DMD: variants seen among roughly 807,000 people sequenced by gnomAD.
DMD encodes mutant dystrophin.
DMD carries 63 observed loss-of-function variants against 330.1 expected under a neutral mutation model. The observed-to-expected ratio is 0.19, with a 90% CI of 0.16 to 0.24. The LOEUF is 0.24. Among genes scored for constraint, DMD ranks in the 10% least tolerant of loss-of-function variants. The pLI is 1.00. For synonymous variants in DMD, 1,223 were observed against 959.8 expected, an observed-to-expected ratio of 1.27 and a Z score of -5.07; for missense variants, 3,344 against 2,684.1, an observed-to-expected ratio of 1.25 and a Z score of -5.43.
rs2093491889 is a variant in DMD, at chrX:33,009,096, ATATATGTATATATATGTGTATATATACG to A, written c.93+11015_93+11042del. ...TATACATATATGTGTATATATACGT[ATATATGTATATATATGTGTATATATACG>A]TATATATGTATATATATGTGTATAT... On this transcript the variant is annotated intron_variant, in intron 2 of 78. Transcript: ENST00000357033. Among the ~76,000 whole-genome samples, 9 of 21,993 alleles carry A rather than the reference ATATATGTATATATATGTGTATATATACG, an allele frequency of 4.1e-4. 1 individual carries two copies. The highest frequency in any genetic ancestry group is 1.2e-3 in the African/African-American group (9 of 7,747). 19.1% of individuals were successfully genotyped at this position (21,993 alleles called of 115,157 possible). A position where few individuals can be genotyped will look rare whatever the true frequency, so the allele number is the denominator to read the frequency against.
intron 7 of DMD, among the ~76,000 whole-genome samples, chrX:32,789,294 G>A (rs140950327): frequency 8.9e-6 from 1 of 112,371 alleles, no homozygotes; most frequent in Non-Finnish European, 1.9e-5. Context: ...AGTAATTGAA[G>A]ATGTGAACAG....
chrX:33,151,860 C>T (rs2148629944), intron 1 of DMD, among the ~76,000 whole-genome samples: 1 of 111,811 alleles, frequency 8.9e-6, no homozygotes, highest in South Asian at 3.7e-4. Flanking sequence ...GGGACATGGT[C>T]CATATTCAGA....
At chrX:31,496,647 A>G (rs2069883124) in intron 57 of DMD, 141 bp downstream of exon 57, 1 of 691,697 alleles carries the variant, frequency 1.4e-6, no homozygotes, top group Non-Finnish European at 2.2e-6. Context: ...AATGGCTTAG[A>G]TTATTTATAA....
At chrX:32,153,400 T>C (rs1300409850) in intron 44 of DMD, among the ~76,000 whole-genome samples, 1 of 110,691 alleles carries the variant, frequency 9.0e-6, no homozygotes, top group Non-Finnish European at 1.9e-5. Flanking sequence ...AGGTTTGAAG[T>C]AGTGGAGAGA....
At chrX:32,635,456 C>A (rs897318714) in intron 11 of DMD, among the ~76,000 whole-genome samples, 3 of 111,620 alleles carry the variant, frequency 2.7e-5, no homozygotes, top group Non-Finnish European at 5.6e-5. Flanking sequence ...CTTCGAGACT[C>A]ATTTTCCCTC....
intron 5 of DMD, among the ~76,000 whole-genome samples, chrX:32,820,235 C>T (rs1218070860): frequency 9.0e-6 from 1 of 111,685 alleles, no homozygotes. Context: ...GTCAGGAGAT[C>T]GAGACCATCC....
At chrX:32,773,399 G>A (rs2073826407) in intron 7 of DMD, among the ~76,000 whole-genome samples, 1 of 111,235 alleles carries the variant, frequency 9.0e-6, no homozygotes, top group South Asian at 3.7e-4. Flanking sequence ...TATCATTTAT[G>A]TTAGCTAAAT....
intron 17 of DMD, among the ~76,000 whole-genome samples, chrX:32,523,432 C>T (rs1001150656): frequency 6.2e-5 from 7 of 112,132 alleles, no homozygotes; most frequent in African/African-American, 2.3e-4. Flanking sequence ...TCTCTATTAG[C>T]TAGCCATAAA....
intron 48 of DMD, among the ~76,000 whole-genome samples, chrX:31,851,523 GT>G (rs2093526018): frequency 9.0e-6 from 1 of 111,706 alleles, no homozygotes; most frequent in Non-Finnish European, 1.9e-5. Context: ...GGGTTTCAAA[GT>G]CTTTTTGGCA....
chrX:32,268,007 TAGAA>T (rs989260859), intron 43 of DMD, among the ~76,000 whole-genome samples: 1 of 111,737 alleles, frequency 8.9e-6, no homozygotes, highest in African/African-American at 3.3e-5. Flanking sequence ...AAGGAAGAAA[TAGAA>T]AGACACAGCC....
chrX:31,608,303 C>T (rs1029202194), intron 55 of DMD, among the ~76,000 whole-genome samples: 20 of 111,529 alleles, frequency 1.8e-4, no homozygotes, highest in African/African-American at 5.5e-4. Flanking sequence ...AAATTTAGTA[C>T]AGAAGTGTGT....
At chrX:31,178,301 T>C in intron 70 of DMD, 1 of 991,660 alleles carries the variant, frequency 1.0e-6, no homozygotes, top group Non-Finnish European at 1.3e-6. Context: ...CACAATGAGA[T>C]ACAAAAAGAC....
At chrX:31,130,599 T>C (rs910616685) in intron 77 of DMD, among the ~76,000 whole-genome samples, 1 of 112,278 alleles carries the variant, frequency 8.9e-6, no homozygotes, top group African/African-American at 3.2e-5. Context: ...TTATGCAGGA[T>C]AGTGTTGGCC....
intron 7 of DMD, among the ~76,000 whole-genome samples, chrX:32,788,949 A>C (rs1181809911): frequency 8.9e-6 from 1 of 111,828 alleles, no homozygotes; most frequent in African/African-American, 3.3e-5. Context: ...CAGTGATGTC[A>C]ATTAGTAACA....
chrX:32,024,403 C>T (rs1317095427), intron 44 of DMD, among the ~76,000 whole-genome samples: 1 of 104,125 alleles, frequency 9.6e-6, no homozygotes, highest in Non-Finnish European at 1.9e-5. Flanking sequence ...GGGAATCACT[C>T]GAACCTGGTG....
chrX:33,015,158 T>C (rs1056205451), intron 2 of DMD, among the ~76,000 whole-genome samples: 1 of 110,637 alleles, frequency 9.0e-6, no homozygotes, highest in African/African-American at 3.3e-5. Context: ...AGCAATCCCA[T>C]TACTGGGCAT....
Position 32,252,725 on chromosome X carries a change from AAT to A in DMD, c.6290+34802_6290+34803del, listed in dbSNP as rs1210221382. Reference sequence around the variant, plus strand: ...ATATATAAATATATAAATATATATAAATATATAAATATATATATAAATATATA... The same window carrying A: ...ATATATAAATATATAAATATATATAAATATAAATATATATATAAATATATA... On this transcript the variant is annotated intron_variant, in intron 43 of 78. Coordinates refer to ENST00000357033, the MANE Select transcript of DMD (RefSeq NM_004006.3). Among the ~76,000 whole-genome samples the A allele has an allele frequency of 9.1e-4, 33 of 36,419 alleles. 1 individual carries two copies. The highest frequency in any genetic ancestry group is 3.7e-3 in the African/African-American group (26 of 6,997). 31.6% of individuals were successfully genotyped at this position (36,419 alleles called of 115,157 possible).
chrX:32,089,940 A>C (rs192573343), intron 44 of DMD, among the ~76,000 whole-genome samples: 1 of 112,057 alleles, frequency 8.9e-6, no homozygotes, highest in Non-Finnish European at 1.9e-5. Context: ...AGAGATTATT[A>C]AATCCCTATC....
chrX:32,342,456 T>G (rs1308026043), intron 40 of DMD, among the ~76,000 whole-genome samples, 174 bp from the exon 41 acceptor site: 1 of 112,233 alleles, frequency 8.9e-6, no homozygotes, highest in Non-Finnish European at 1.9e-5. Context: ...AACCCAAATA[T>G]TATTTCAGTT....
Sources: allele counts gnomAD v4.1 joint callset (sites outside exome capture counted in the v4.1 genomes callset), GRCh38; gene constraint gnomAD v4.1.1; transcripts MANE v1.5; gene names NCBI Gene and HGNC (gene_info 2026-07-23, HGNC 2026-07-21).